Variants in CDH3 observed in about 807,000 individuals in gnomAD.
The protein encoded by CDH3 is cadherin-3.
A neutral mutation model predicts 82.0 loss-of-function variants in CDH3; 54 were observed. That is an observed-to-expected ratio of 0.66 (90% CI 0.53 to 0.83). The LOEUF is 0.83. Ranked by LOEUF, CDH3 falls within the 40% of genes least tolerant of loss-of-function variation. The probability of loss-of-function intolerance (pLI) is 0.00; values close to 1 mark genes in which losing one functional copy is unlikely to be tolerated. For missense variants in CDH3, 1,054 were observed against 1,084.6 expected (o/e 0.97, Z 0.40); for synonymous variants, 446 against 437.9 (o/e 1.02, Z -0.23).
At chr16:68,717,788 A>G (rs896757282) in intron 1 of CDH3, among the ~76,000 whole-genome samples, 2 of 151,776 alleles carry the variant, frequency 1.3e-5, no homozygotes, top group Non-Finnish European at 2.9e-5. Flanking sequence ...AAAAAAAAAA[A>G]AAGAAAGATG....
At chr16:68,685,814 C>A (rs1359075364) in intron 11 of CDH3, among the ~76,000 whole-genome samples, 5 of 152,222 alleles carry the variant, frequency 3.3e-5, no homozygotes, top group Admixed American at 2.0e-4. Flanking sequence ...CAAAAAGCAA[C>A]AACAACAAAA....
chr16:68,683,999 G>A (rs1961317919), intron 9 of CDH3, among the ~76,000 whole-genome samples: 1 of 150,702 alleles, frequency 6.6e-6, no homozygotes, highest in African/African-American at 2.4e-5. Flanking sequence ...CTCGGGAGGC[G>A]GAGGTTGCAG....
intron 3 of CDH3, 108 bp downstream of exon 3, chr16:68,676,578 C>T: frequency 1.2e-6 from 1 of 826,946 alleles, no homozygotes; most frequent in South Asian, 1.4e-5. Flanking sequence ...GCCAAGTCAG[C>T]CCTTCAGAGG....
intron 1 of CDH3, among the ~76,000 whole-genome samples, chr16:68,709,444 C>T (rs1416183952): frequency 6.6e-6 from 1 of 152,072 alleles, no homozygotes; most frequent in East Asian, 1.9e-4. Flanking sequence ...GAGAAGGGTT[C>T]ATGGAGGTGC....
chr16:68,651,622 A>T (rs1304570420), intron 2 of CDH3: 3 of 506,984 alleles, frequency 5.9e-6, no homozygotes, highest in Non-Finnish European at 1.2e-5. Flanking sequence ...CCACTCTCAA[A>T]CAGGTTACTG....
chr16:68,732,717 C>T, the CDH3 span, among the ~76,000 whole-genome samples: 2 of 152,206 alleles, frequency 1.3e-5, no homozygotes, highest in South Asian at 2.1e-4. Flanking sequence ...ATCACCTGCA[C>T]GGACAGGTTT....
rs747921579 is a variant in CDH3 at position 68,645,337 on chromosome 16, G to C, written c.-43G>C. The C allele has an allele frequency of 6.2e-7, 1 of 1,605,096 alleles. No individual in the cohort carries two copies. Among genetic ancestry groups the C allele is most frequent in the Non-Finnish European group, 8.5e-7 (1 of 1,174,326 alleles). ...AGGGGCAAGAGCTGAGCGGAACACC[G>C]GCCCGCCGTCGCGGCAGCTGCTTCA... On this transcript the variant is annotated 5_prime_UTR_variant, in exon 1 of 16. Coordinates refer to ENST00000264012, the MANE Select transcript of CDH3 (RefSeq NM_001793.6).
In CDH3 at chr16:68,712,037, C is replaced by CT. The variant is rs58452743; in HGVS notation, c.100-10370dup. 1.8e-4 allele frequency among the ~76,000 whole-genome samples: 22 copies of CT among 119,406 alleles called. 1 individual carries two copies. Among genetic ancestry groups the CT allele is most frequent in the Non-Finnish European group, 2.0e-4 (12 of 60,192 alleles). 78.3% of individuals were successfully genotyped at this position (119,406 alleles called of 152,430 possible). ...TTTGTTTCTTGGGTTTTTTTGTTTT[C>CT]TTTTTTTTTTTTTTTTTTGAGACAG... On this transcript the variant is annotated intron_variant, in intron 1 of 2. Transcript: ENST00000569080.
intron 1 of CDH3, among the ~76,000 whole-genome samples, chr16:68,712,292 C>T (rs888237676): frequency 7.1e-6 from 1 of 140,364 alleles, no homozygotes; most frequent in Admixed American, 7.4e-5. Context: ...CCACCTTGAC[C>T]TCCTAAATCC....
intron 2 of CDH3, among the ~76,000 whole-genome samples, chr16:68,664,528 G>A (rs750337084): frequency 1.2e-4 from 18 of 152,132 alleles, no homozygotes; most frequent in Non-Finnish European, 2.4e-4. Flanking sequence ...TAAATTGTTT[G>A]CCAGATGATT....
chr16:68,680,040 G>A (rs553646152), intron 7 of CDH3, 66 bp downstream of exon 7: 1 of 1,487,108 alleles, frequency 6.7e-7, no homozygotes, highest in Admixed American at 1.7e-5. Context: ...GACTCTGAGA[G>A]CAGAAGCTCC....
At chr16:68,708,578 C>T (rs893229705) in intron 1 of CDH3, among the ~76,000 whole-genome samples, 4 of 152,108 alleles carry the variant, frequency 2.6e-5, no homozygotes, top group African/African-American at 9.7e-5. Flanking sequence ...GAATTGCAGC[C>T]CTGCACCCCC....
intron 1 of CDH3, among the ~76,000 whole-genome samples, chr16:68,719,300 C>T (rs1028557413): frequency 4.6e-5 from 7 of 150,894 alleles, no homozygotes; most frequent in African/African-American, 1.7e-4. Flanking sequence ...CAGACATACA[C>T]AACAATATGC....
chr16:68,655,264 T>C (rs1020410135), intron 2 of CDH3, among the ~76,000 whole-genome samples: 4 of 152,120 alleles, frequency 2.6e-5, no homozygotes, highest in East Asian at 1.9e-4. Context: ...TCCTCTCTTA[T>C]AGAAACAGTG....
At position 68,707,747 on chromosome 16, in the gene CDH3, G is replaced by A. The variant is rs556775205; in HGVS notation, c.99+11824G>A. On this transcript the variant is annotated intron_variant, in intron 1 of 2. Transcript: ENST00000569080. The surrounding 1 kb of genome is among the most constrained non-coding windows in gnomAD (Gnocchi z 4.5). ...GGTGGTCACTGCCAGCCTTGTCCTC[G>A]CTTGGTATTAGGCCCTCTCCAAGTT... 7.2e-5 allele frequency among the ~76,000 whole-genome samples: 11 copies of A among 152,190 alleles called. No individual in the cohort carries two copies. The highest frequency in any genetic ancestry group is 2.4e-4 in the African/African-American group (10 of 41,542).
intron 1 of CDH3, among the ~76,000 whole-genome samples, chr16:68,720,079 C>T (rs1962144005): frequency 6.6e-6 from 1 of 152,058 alleles, no homozygotes. Flanking sequence ...ATCTCTTGAG[C>T]CCAGGAGGTC....
At chr16:68,659,671 A>AAG (rs1960506841) in intron 2 of CDH3, among the ~76,000 whole-genome samples, 1 of 152,138 alleles carries the variant, frequency 6.6e-6, no homozygotes, top group Non-Finnish European at 1.5e-5. Flanking sequence ...GTAACAGAGC[A>AAG]AGACCCTGTC....
chr16:68,716,951 T>A lies in CDH3; in HGVS notation c.100-5474T>A, dbSNP rs574548909. On this transcript the variant is annotated intron_variant, in intron 1 of 2. Transcript: ENST00000569080. ...TCTCACTATGTTGTCCAGGCTACTC[T>A]CAAATTCCTGAGCTCAAGTGATCCT... 4.8e-3 allele frequency among the ~76,000 whole-genome samples: 731 copies of A among 151,484 alleles called. 8 individuals carry two copies. Among genetic ancestry groups the A allele is most frequent in the African/African-American group, 0.017 (693 of 41,338 alleles).
At chr16:68,653,252 T>G (rs1191870724) in intron 2 of CDH3, among the ~76,000 whole-genome samples, 2 of 93,138 alleles carry the variant, frequency 2.1e-5, no homozygotes, top group African/African-American at 9.2e-5. Flanking sequence ...TTTTATTTTA[T>G]TTTTGAGACA....
Sources: allele counts gnomAD v4.1 joint callset (sites outside exome capture counted in the v4.1 genomes callset), GRCh38; gene constraint gnomAD v4.1.1; non-coding constraint Gnocchi (gnomAD v3.1); transcripts MANE v1.5; gene names NCBI Gene and HGNC (gene_info 2026-07-23, HGNC 2026-07-21).